The following EIF2S1 variants were observed in gnomAD, a reference collection of about 807,000 sequenced individuals.
The protein encoded by EIF2S1 is eukaryotic translation initiation factor 2 subunit 1.
In EIF2S1, 5 loss-of-function variants were observed where a neutral mutation model predicts 33.5. The ratio of observed to expected loss-of-function variants is 0.15; its 90% CI spans 0.08 to 0.31. EIF2S1 has a LOEUF of 0.31. EIF2S1 is among the 10% of genes least tolerant of loss of function. EIF2S1 has a pLI of 1.00. For missense variants in EIF2S1, 191 were observed against 384.6 expected (o/e 0.50, Z 4.21); for synonymous variants, 99 against 127.5 (o/e 0.78, Z 1.51).
At chr14:67,383,258 A>G in intron 7 of EIF2S1, 57 bp from the exon 8 acceptor site, 2 of 1,571,402 alleles carry the variant, frequency 1.3e-6, no homozygotes, top group Non-Finnish European at 1.7e-6. Context: ...TAGTATTGAA[A>G]TTAAATTTGT....
chr14:67,376,358 T>A, intron 3 of EIF2S1, 81 bp from the exon 4 acceptor site: 1 of 1,326,792 alleles, frequency 7.5e-7, no homozygotes, highest in Non-Finnish European at 1.0e-6. Context: ...TGTAGCCAAA[T>A]TATGTTATTT....
At position 67,364,968 on chromosome 14, in the gene EIF2S1, G is replaced by T; in HGVS notation, c.201G>T (p.Arg67Ser). 1.2e-6 allele frequency: 2 copies of T among 1,613,840 alleles called. No individual in the cohort carries two copies. Among genetic ancestry groups the T allele is most frequent in the Non-Finnish European group, 1.7e-6 (2 of 1,179,852 alleles). Residue 67 changes from arginine to serine, a missense_variant, in exon 2 of 8, where the codon AGG becomes AGT. Arg to Ser is a moderately radical substitution (Grantham distance 110). Transcript: ENST00000256383. Reference sequence around the variant, plus strand: ...TCAACAAACTCATCCGAATTGGCAGGAATGAGTGTGTGGTTGTCATTAGGG... The same window carrying T: ...TCAACAAACTCATCCGAATTGGCAGTAATGAGTGTGTGGTTGTCATTAGGG... The part of the protein sequence containing the change: ...RSINKLIRIG[R>S]NECVVVIRVD...
intron 2 of EIF2S1, among the ~76,000 whole-genome samples, chr14:67,373,780 C>T (rs1271851611): frequency 2.0e-5 from 3 of 151,934 alleles, no homozygotes; most frequent in Non-Finnish European, 4.4e-5. Flanking sequence ...GATGTTTAAG[C>T]ACCTAACATA....
intron 3 of EIF2S1, chr14:67,374,764 G>T: frequency 2.7e-6 from 1 of 369,378 alleles, no homozygotes; most frequent in Non-Finnish European, 4.9e-6. Flanking sequence ...CATAAAATAC[G>T]GGGTTTTTTT....
chr14:67,381,697 C>T lies in EIF2S1; in HGVS notation c.678+7C>T. On this transcript the variant is annotated splice_region_variant and intron_variant, in intron 6 of 7. Transcript: ENST00000256383. ...AGAAAACATGCCCATTAAGGTGAGT[C>T]ATGAGTTGTCTCCCTCCCTGCTGAA... The T allele has an allele frequency of 6.3e-7, 1 of 1,598,622 alleles. No homozygotes were observed. Among genetic ancestry groups the T allele is most frequent in the Admixed American group, 1.7e-5 (1 of 59,812 alleles).
intron 2 of EIF2S1, among the ~76,000 whole-genome samples, chr14:67,370,780 C>T (rs1358422339): frequency 6.6e-6 from 1 of 152,164 alleles, no homozygotes; most frequent in East Asian, 1.9e-4. Flanking sequence ...AATTCCAGCA[C>T]TTTGGGAGGT....
In EIF2S1 at chr14:67,375,232, CTGTGTGTGTGTGTG is replaced by C. The variant is rs3067321; in HGVS notation, c.321+723_321+736del. Among the ~76,000 whole-genome samples, 912 of 137,668 alleles carry C rather than the reference CTGTGTGTGTGTGTG, an allele frequency of 6.6e-3. 10 individuals carry two copies. The highest frequency in any genetic ancestry group is 0.02 in the African/African-American group (740 of 36,894). The allele number at this position is 137,668 out of a possible 152,430, so 90.3% of individuals were successfully genotyped here. On this transcript the variant is annotated intron_variant, in intron 3 of 7. Coordinates refer to ENST00000256383, the MANE Select transcript of EIF2S1 (RefSeq NM_004094.5). The stretch of plus-strand genomic sequence containing the variant: ...TCCTTCATCCTCTACATCCTCAGTT[CTGTGTGTGTGTGTG>C]TGTGTGTGTGTGTGTGTGTGTGTGT...
intron 3 of EIF2S1, chr14:67,374,751 C>A: frequency 2.6e-6 from 1 of 389,640 alleles, no homozygotes; most frequent in Non-Finnish European, 4.6e-6. Flanking sequence ...AGTTGGAATG[C>A]CTCATAAAAT....
chr14:67,378,903 A>C (rs1284999670), intron 4 of EIF2S1, among the ~76,000 whole-genome samples: 1 of 152,188 alleles, frequency 6.6e-6, no homozygotes, highest in Admixed American at 6.5e-5. Context: ...TTATGTATCA[A>C]TATCATTTGT....
intron 4 of EIF2S1, 123 bp downstream of exon 4, chr14:67,376,713 C>T: frequency 9.7e-7 from 1 of 1,027,150 alleles, no homozygotes; most frequent in South Asian, 1.7e-5. Flanking sequence ...TTGTATTGGC[C>T]AGTAAATGGG....
rs1466840185 is a variant in EIF2S1 at position 67,383,485 on chromosome 14, T to C, written c.*45T>C. 6.2e-7 allele frequency: 1 copy of C among 1,607,068 alleles called. No individual in the cohort carries two copies. The highest frequency in any genetic ancestry group is 1.7e-5 in the Admixed American group (1 of 59,640). ...CAATTTAAGGAACACAGAGCAGCGC[T>C]TCCTGGCTGTAAATCCTAGACTTGA... On this transcript the variant is annotated 3_prime_UTR_variant, in exon 8 of 8. Transcript: ENST00000256383.
chr14:67,382,586 T>G lies in EIF2S1; in HGVS notation c.818T>G (p.Met273Arg). The G allele has an allele frequency of 6.2e-7, 1 of 1,613,808 alleles. No individual in the cohort carries two copies. ...EEKRGVFNVQ[M>R]EPKVVTDTDE... ...AAGAGGGGTGTGTTCAATGTTCAAA[T>G]GGAGGTGAGATCAATAGATTCATTT... The change falls in exon 7 of 8, where the codon ATG becomes AGG. Residue 273 changes from methionine (M) to arginine (R), a missense_variant. Met to Arg is a moderately conservative substitution (Grantham distance 91). Transcript: ENST00000256383.
chr14:67,364,545 C>T, intron 1 of EIF2S1: 8 of 441,940 alleles, frequency 1.8e-5, no homozygotes, highest in South Asian at 5.9e-5. Context: ...AGAGAATCAC[C>T]CAAGCATTAC....
chr14:67,376,890 C>T (rs1348077281), intron 4 of EIF2S1, among the ~76,000 whole-genome samples: 1 of 152,178 alleles, frequency 6.6e-6, no homozygotes, highest in East Asian at 1.9e-4. Flanking sequence ...TTTTCTCTAC[C>T]TCTTTTGACT....
chr14:67,365,380 G>T (rs1049434965), intron 2 of EIF2S1, among the ~76,000 whole-genome samples: 3 of 152,196 alleles, frequency 2.0e-5, no homozygotes, highest in Non-Finnish European at 4.4e-5. Flanking sequence ...AGCTAAAATA[G>T]TAATGAGATC....
chr14:67,367,706 G>T (rs1323141234), intron 2 of EIF2S1, among the ~76,000 whole-genome samples: 1 of 148,232 alleles, frequency 6.7e-6, no homozygotes, highest in Non-Finnish European at 1.5e-5. Context: ...GCGTGGTGGT[G>T]CACCCTGTAG....
chr14:67,369,430 G>C (rs745697576), intron 2 of EIF2S1, among the ~76,000 whole-genome samples: 1 of 152,194 alleles, frequency 6.6e-6, no homozygotes, highest in Non-Finnish European at 1.5e-5. Flanking sequence ...GTTTGAACAA[G>C]CTCTGAACAA....
rs981409817 is a variant in EIF2S1 at position 67,365,982 on chromosome 14, C to T, written c.241+974C>T. Among the ~76,000 whole-genome samples, 11 of 152,120 alleles carry T rather than the reference C, an allele frequency of 7.2e-5. No homozygotes were observed. In the South Asian group the frequency reaches 1.2e-3, roughly 17 times the overall value. ...TTTTGCTATGACTTAGCTATAGCCC[C>T]GCCCAAAATTATTAAACTACTTTGA... is the stretch of plus-strand genomic sequence containing the variant. On this transcript the variant is annotated intron_variant, in intron 2 of 7. Coordinates refer to ENST00000256383, the MANE Select transcript of EIF2S1 (RefSeq NM_004094.5).
chr14:67,383,584 G>A lies in EIF2S1; in HGVS notation c.*144G>A, dbSNP rs914111750. On this transcript the variant is annotated 3_prime_UTR_variant, in exon 8 of 8. Transcript: ENST00000256383. ...AGTATTTAAATGTTCTAACAGATCA[G>A]AACATGAAATGCCCTCCTAAATGTC... 3.3e-6 allele frequency: 4 copies of A among 1,227,906 alleles called. No homozygotes were observed. In the African/African-American group the frequency reaches 6.0e-5, roughly 19 times the overall value. The allele number at this position is 1,227,906 out of a possible 1,614,324, so 76.1% of individuals were successfully genotyped here.
Sources: gnomAD v4.1 joint callset for allele counts (sites outside exome capture counted in the v4.1 genomes callset) on GRCh38, gnomAD v4.1.1 for gene constraint, MANE v1.5 for transcripts, NCBI Gene and HGNC (gene_info 2026-07-23, HGNC 2026-07-21) for gene names.